NWD1: variants seen among roughly 807,000 people sequenced by gnomAD.
NWD1 encodes NACHT domain- and WD repeat-containing protein 1.
In NWD1, 129 loss-of-function variants were observed where a neutral mutation model predicts 135.1. That is an observed-to-expected ratio of 0.96 (90% CI 0.83 to 1.11). The LOEUF is 1.11. Among genes scored for constraint, NWD1 ranks in the 50% least tolerant of loss-of-function variants. The probability of loss-of-function intolerance (pLI) is 0.00; values close to 1 mark genes in which losing one functional copy is unlikely to be tolerated. For synonymous variants in NWD1, 773 were observed against 786.0 expected (o/e 0.98, Z 0.28); for missense variants, 1,740 against 1,851.3 (o/e 0.94, Z 1.10).
intron 4 of NWD1, among the ~76,000 whole-genome samples, chr19:16,743,034 TC>T (rs1968151371): frequency 6.6e-6 from 1 of 151,730 alleles, no homozygotes; most frequent in Non-Finnish European, 1.5e-5. Flanking sequence ...TGCCTCAGCC[TC>T]CCTAGTAGCT....
At chr19:16,755,618 G>A (rs1968762314) in intron 6 of NWD1, among the ~76,000 whole-genome samples, 1 of 152,056 alleles carries the variant, frequency 6.6e-6, no homozygotes, top group Non-Finnish European at 1.5e-5. Context: ...CGAACTCCTG[G>A]CCTCAAATAA....
At chr19:16,733,349 C>T (rs946934985) in intron 3 of NWD1, among the ~76,000 whole-genome samples, 8 of 151,790 alleles carry the variant, frequency 5.3e-5, no homozygotes, top group Non-Finnish European at 1.2e-4. Context: ...GGTGAAACCC[C>T]CTCTCTACTA....
intron 18 of NWD1, chr19:16,812,947 C>A (rs1164334497): frequency 4.1e-6 from 3 of 738,226 alleles, no homozygotes; most frequent in Non-Finnish European, 7.5e-6. Context: ...GCTCTGGCCA[C>A]CTCTAGCTGC....
chr19:16,749,269 C>A lies in NWD1; in HGVS notation c.627C>A (p.Asp209Glu), dbSNP rs1228551314. 5.0e-6 allele frequency: 8 copies of A among 1,614,056 alleles called. No homozygotes were observed. In the Middle Eastern group the frequency reaches 8.2e-4, roughly 166 times the overall value. Residue 209 changes from aspartate (D) to glutamate (E), a missense_variant, in exon 6 of 19, where the codon GAC becomes GAA. Coordinates refer to ENST00000524140, the MANE Select transcript of NWD1 (RefSeq NM_001007525.5). Reference protein sequence around the residue: ...ILEDCALRMVDRLADGCLDAD... With the variant: ...ILEDCALRMVERLADGCLDAD... The stretch of plus-strand genomic sequence containing the variant: ...AAGACTGCGCCCTTAGGATGGTGGA[C>A]CGGCTCGCGGATGGCTGCCTGGACG...
intron 1 of NWD1, among the ~76,000 whole-genome samples, chr19:16,720,564 T>A (rs555962218): frequency 1.3e-5 from 2 of 150,762 alleles, no homozygotes; most frequent in African/African-American, 4.9e-5. Flanking sequence ...TAGGGAGACT[T>A]TTTTTTTTTT....
intron 12 of NWD1, among the ~76,000 whole-genome samples, chr19:16,783,778 G>GA (rs1164133485): frequency 1.3e-5 from 2 of 151,420 alleles, no homozygotes; most frequent in African/African-American, 2.4e-5. Context: ...AAATATTTGG[G>GA]AAAAAAATAG....
chr19:16,786,393 G>A (rs1970042419), intron 12 of NWD1, among the ~76,000 whole-genome samples: 1 of 151,982 alleles, frequency 6.6e-6, no homozygotes, highest in Non-Finnish European at 1.5e-5. Context: ...CTGCTACATG[G>A]GTATATTGAG....
intron 2 of NWD1, among the ~76,000 whole-genome samples, chr19:16,730,420 C>T (rs2122692528): frequency 6.6e-6 from 1 of 151,864 alleles, no homozygotes; most frequent in African/African-American, 2.4e-5. Flanking sequence ...CAATGGCAAA[C>T]AAGATATAAT....
At chr19:16,792,527 A>C (rs1970282596) in intron 14 of NWD1, among the ~76,000 whole-genome samples, 1 of 151,954 alleles carries the variant, frequency 6.6e-6, no homozygotes, top group South Asian at 2.1e-4. Context: ...AAAAGCATAC[A>C]AAAAATTAGC....
At chr19:16,761,239 C>T (rs1968997968) in intron 7 of NWD1, among the ~76,000 whole-genome samples, 1 of 152,126 alleles carries the variant, frequency 6.6e-6, no homozygotes, top group African/African-American at 2.4e-5. Context: ...TATGGATGGA[C>T]CAGGTTTTGT....
intron 6 of NWD1, among the ~76,000 whole-genome samples, chr19:16,753,865 CCATT>C (rs1439151355): frequency 3.5e-5 from 5 of 142,624 alleles, no homozygotes; most frequent in Non-Finnish European, 6.1e-5. Flanking sequence ...ATCCATCCAT[CCATT>C]CATCAATTCG....
chr19:16,794,640 T>A, intron 15 of NWD1, 87 bp downstream of exon 15: 1 of 933,526 alleles, frequency 1.1e-6, no homozygotes, highest in Non-Finnish European at 1.7e-6. Flanking sequence ...CAGAGAGAAG[T>A]CCTAGGGCCA....
chr19:16,816,506 C>T lies in NWD1; in HGVS notation c.*1467C>T, dbSNP rs1971071435. 1 of 152,190 alleles carries T rather than the reference C, an allele frequency of 6.6e-6. No individual in the cohort carries two copies. The highest frequency in any genetic ancestry group is 1.5e-5 in the Non-Finnish European group (1 of 68,034). 9.4% of individuals were successfully genotyped at this position (152,190 alleles called of 1,614,324 possible). On this transcript the variant is annotated 3_prime_UTR_variant, in exon 19 of 19. Coordinates refer to ENST00000524140, the MANE Select transcript of NWD1 (RefSeq NM_001007525.5). Reference sequence around the variant, plus strand: ...GGTTTTTAATCTTAAAAACTGGAGGCTCTTGGAAGTAGAAAGAGCTGCTGA... The same window carrying T: ...GGTTTTTAATCTTAAAAACTGGAGGTTCTTGGAAGTAGAAAGAGCTGCTGA...
At chr19:16,768,199 T>A (rs1191783332) in intron 10 of NWD1, among the ~76,000 whole-genome samples, 1 of 152,074 alleles carries the variant, frequency 6.6e-6, no homozygotes, top group Non-Finnish European at 1.5e-5. Flanking sequence ...TTTTGCTATG[T>A]TAGCCAGGCT....
At chr19:16,781,241 C>T (rs1327043164) in intron 12 of NWD1, among the ~76,000 whole-genome samples, 1 of 152,120 alleles carries the variant, frequency 6.6e-6, no homozygotes, top group Non-Finnish European at 1.5e-5. Flanking sequence ...CAAGGGTCCT[C>T]CCTTTGGGAG....
chr19:16,799,963 C>T lies in NWD1; in HGVS notation c.3537C>T (p.Arg1179=), dbSNP rs370525441. The T allele has an allele frequency of 5.3e-5, 85 of 1,614,030 alleles. No individual in the cohort carries two copies. Among genetic ancestry groups the T allele is most frequent in the African/African-American group, 4.0e-4 (30 of 74,940 alleles). Residue 1179 remains arginine, a synonymous_variant, in exon 17 of 19, where the codon CGC becomes CGT. Transcript: ENST00000524140. ...GGGCCCCCGTGAGCCTGCTGGCCCG[C>T]GGCGGGGCTTTGGTGGCATCTGCTT... ...GVGAPVSLLA[R]GGALVASASP...
rs749974742 is a variant in NWD1, at chr19:16,749,378, T to G, written c.736T>G (p.Trp246Gly). The G allele has an allele frequency of 6.2e-7, 1 of 1,613,816 alleles. No homozygotes were observed. Among genetic ancestry groups the G allele is most frequent in the South Asian group, 1.1e-5 (1 of 91,072 alleles). The change falls in exon 6 of 19, where the codon TGG (tryptophan) becomes GGG (glycine). Residue 246 changes from tryptophan (W) to glycine (G), a missense_variant. By Grantham distance (184) the Trp-to-Gly change is radical. Transcript: ENST00000524140. Reference protein sequence around the residue: ...PGVLKTHRLPWSRDLVNPKNK... With the variant: ...PGVLKTHRLPGSRDLVNPKNK... Reference sequence around the variant, plus strand: ...GGTCCTCAAGACCCACCGCCTGCCGTGGAGCCGCGACTTGGTGAACCCCAA... The same window carrying G: ...GGTCCTCAAGACCCACCGCCTGCCGGGGAGCCGCGACTTGGTGAACCCCAA...
At position 16,789,020 on chromosome 19, in the gene NWD1, C is replaced by T. The variant is rs1416596882; in HGVS notation, c.2770C>T (p.Leu924Phe). The stretch of plus-strand genomic sequence containing the variant: ...TGTGAAAATATTTGCCAAAGGGACC[C>T]TCGCCAACTCTGCTTCAAAGGATTA... ...RCVKIFAKGT[L>F]ANSASKDYTL... Residue 924 changes from leucine to phenylalanine, a missense_variant, in exon 13 of 19, where the codon CTC becomes TTC. Transcript: ENST00000524140. 1.9e-6 allele frequency: 3 copies of T among 1,612,438 alleles called. No individual in the cohort carries two copies. In the East Asian group the frequency reaches 6.7e-5, roughly 36 times the overall value.
chr19:16,806,329 CTCTCA>C (rs1279814753), intron 17 of NWD1, among the ~76,000 whole-genome samples: 1 of 152,134 alleles, frequency 6.6e-6, no homozygotes, highest in Non-Finnish European at 1.5e-5. Context: ...TGAAAGAAGC[CTCTCA>C]ACTGGAAATG....
Sources: allele counts gnomAD v4.1 joint callset (sites outside exome capture counted in the v4.1 genomes callset), GRCh38; gene constraint gnomAD v4.1.1; transcripts MANE v1.5; gene names NCBI Gene and HGNC (gene_info 2026-07-23, HGNC 2026-07-21).